Variants in NAV2 observed in about 807,000 individuals in gnomAD.
The protein encoded by NAV2 is neuron navigator 2, also known as helicase, APC down-regulated 1.
In NAV2, 54 loss-of-function variants were observed where a neutral mutation model predicts 223.2. The observed-to-expected ratio is 0.24, with a 90% confidence interval of 0.19 to 0.30. The LOEUF (loss-of-function observed/expected upper bound fraction) is 0.30, where lower values mean the gene tolerates loss of function less well. NAV2 is among the 10% of genes least tolerant of loss of function. The pLI is 1.00. For missense variants in NAV2, 2,806 were observed against 3,147.5 expected (o/e 0.89, Z 2.60); for synonymous variants, 1,279 against 1,239.3 (o/e 1.03, Z -0.67).
upstream of NAV2, among the ~76,000 whole-genome samples, chr11:19,708,315 G>C (rs375058859): frequency 1.3e-4 from 20 of 152,112 alleles, 2 homozygotes; most frequent in Middle Eastern, 3.4e-3. Context: ...CCCATTTGTA[G>C]AAAATTAAGG....
At chr11:19,678,502 C>G (rs1316770549) in intron 1 of NAV2, among the ~76,000 whole-genome samples, 2 of 152,140 alleles carry the variant, frequency 1.3e-5, no homozygotes, top group African/African-American at 4.8e-5. Flanking sequence ...CTCTTTTCAT[C>G]AACTGTTTAG....
intron 1 of NAV2, among the ~76,000 whole-genome samples, chr11:19,482,038 C>T (rs758490860): frequency 1.1e-4 from 17 of 152,210 alleles, no homozygotes; most frequent in Non-Finnish European, 2.2e-4. Context: ...ATTCTTACTG[C>T]TTTTAACAAA....
intron 11 of NAV2, among the ~76,000 whole-genome samples, chr11:20,008,736 C>CT (rs5790102): frequency 0.9 from 131,866 of 147,174 alleles, 59,487 homozygotes; most frequent in East Asian, 1. Flanking sequence ...TTCCTCAGAC[C>CT]TTTTTTTTTT....
chr11:19,895,036 CTTAT>C (rs2041838686), intron 6 of NAV2, among the ~76,000 whole-genome samples: 1 of 150,032 alleles, frequency 6.7e-6, no homozygotes, highest in Non-Finnish European at 1.5e-5. Flanking sequence ...GGCTATCATA[CTTAT>C]TTATTAAGTG....
At chr11:19,358,831 A>G (rs7938448) in intron 1 of NAV2, among the ~76,000 whole-genome samples, 1 of 152,218 alleles carries the variant, frequency 6.6e-6, no homozygotes, top group Admixed American at 6.5e-5. Context: ...TAAAAATGCA[A>G]TAAGTAAAAA....
At chr11:20,053,490 G>A (rs117809080) in intron 17 of NAV2, among the ~76,000 whole-genome samples, 1,674 of 152,274 alleles carry the variant, frequency 0.011, 12 homozygotes, top group Middle Eastern at 0.024. Context: ...CAGAATAAAT[G>A]AGGTGGTGGA....
intron 1 of NAV2, among the ~76,000 whole-genome samples, chr11:19,664,834 G>A (rs538622103): frequency 2.0e-5 from 3 of 152,332 alleles, no homozygotes; most frequent in African/African-American, 7.2e-5. Flanking sequence ...CACCTACTAT[G>A]TGTTTGCAAT....
intron 1 of NAV2, among the ~76,000 whole-genome samples, chr11:19,675,232 C>A (rs957659029): frequency 6.6e-6 from 1 of 152,218 alleles, no homozygotes; most frequent in Non-Finnish European, 1.5e-5. Flanking sequence ...TGGATGTACA[C>A]TTAAACTTTA....
intron 17 of NAV2, among the ~76,000 whole-genome samples, chr11:20,053,748 GTCC>G (rs1191547143): frequency 1.3e-5 from 2 of 152,198 alleles, no homozygotes; most frequent in Non-Finnish European, 2.9e-5. Context: ...TGTTGCTTCA[GTCC>G]TGTCAAGGTG....
chr11:20,105,504 T>C, intron 34 of NAV2, 27 bp from the exon 35 acceptor site: 1 of 1,595,308 alleles, frequency 6.3e-7, no homozygotes, highest in African/African-American at 1.3e-5. Context: ...CATCATCAGC[T>C]TGAAAAGTGT....
At chr11:19,586,518 C>G (rs545666363) in intron 1 of NAV2, among the ~76,000 whole-genome samples, 152 of 152,138 alleles carry the variant, frequency 1.0e-3, no homozygotes, top group African/African-American at 3.5e-3. Context: ...TTTTATCTAC[C>G]TTTGGTCTTT....
intron 5 of NAV2, among the ~76,000 whole-genome samples, chr11:19,885,840 C>A (rs1319369902): frequency 6.6e-6 from 1 of 152,162 alleles, no homozygotes; most frequent in South Asian, 2.1e-4. Context: ...CAAATACATA[C>A]AAAATAACTG....
chr11:19,932,062 C>G (rs2045402260), intron 6 of NAV2, among the ~76,000 whole-genome samples: 1 of 151,854 alleles, frequency 6.6e-6, no homozygotes, highest in African/African-American at 2.4e-5. Flanking sequence ...TAGTTTGGAG[C>G]CTGCCCTCAC....
At chr11:19,557,706 G>C (rs2044946243) in intron 1 of NAV2, among the ~76,000 whole-genome samples, 1 of 152,202 alleles carries the variant, frequency 6.6e-6, no homozygotes, top group Non-Finnish European at 1.5e-5. Context: ...GCTAAAATGG[G>C]ATCCACACCG....
In NAV2 at chr11:19,540,965, T is replaced by C. The variant is rs114038265; in HGVS notation, c.75+189938T>C. The stretch of plus-strand genomic sequence containing the variant: ...GAGAAGACAAGACAAGAGAAGAGAA[T>C]ACAAGAGAAAAGAAAAGAAAACAAT... On this transcript the variant is annotated intron_variant, in intron 1 of 37. Coordinates refer to the NAV2 transcript ENST00000360655. 4.5e-3 allele frequency among the ~76,000 whole-genome samples: 678 copies of C among 152,018 alleles called. 6 individuals carry two copies. The highest frequency in any genetic ancestry group is 0.016 in the African/African-American group (654 of 41,448).
Position 20,074,760 on chromosome 11 carries a change from C to CCTTTTTTTTTTTTTTTTTTTTTTTTTT in NAV2, c.4984-2792_4984-2791insCTTTTTTTTTTTTTTTTTTTTTTTTTT, listed in dbSNP as rs56895607. 2.4e-3 allele frequency among the ~76,000 whole-genome samples: 264 copies of CCTTTTTTTTTTTTTTTTTTTTTTTTTT among 110,230 alleles called. 37 individuals are homozygous for CCTTTTTTTTTTTTTTTTTTTTTTTTTT. Among genetic ancestry groups the CCTTTTTTTTTTTTTTTTTTTTTTTTTT allele is most frequent in the South Asian group, 4.9e-3 (14 of 2,862 alleles). 72.3% of individuals were successfully genotyped at this position (110,230 alleles called of 152,430 possible). ...ATTGGAGACTAGGATTGCAACTCTG[C>CCTTTTTTTTTTTTTTTTTTTTTTTTTT]TTTTTTTTTTTTTTTTGCTTTCCAT... On this transcript the variant is annotated intron_variant, in intron 22 of 37. Transcript: ENST00000349880.
chr11:19,595,746 G>A (rs925682722), intron 1 of NAV2, among the ~76,000 whole-genome samples: 3 of 151,428 alleles, frequency 2.0e-5, no homozygotes, highest in African/African-American at 4.9e-5. Flanking sequence ...TTTTTTTTTA[G>A]TGATGGGGTC....
At chr11:19,623,843 T>C (rs553335353) in intron 1 of NAV2, among the ~76,000 whole-genome samples, 24 of 152,352 alleles carry the variant, frequency 1.6e-4, no homozygotes, top group Middle Eastern at 6.8e-3. Context: ...GAAGAGGAGC[T>C]CTGATGTTTA....
intron 2 of NAV2, among the ~76,000 whole-genome samples, chr11:19,840,727 G>A (rs1414683927): frequency 6.6e-6 from 1 of 152,122 alleles, no homozygotes; most frequent in East Asian, 1.9e-4. Flanking sequence ...TAAATGGAAG[G>A]ATAGCTGCCT....
Sources: allele counts gnomAD v4.1 joint callset (sites outside exome capture counted in the v4.1 genomes callset), GRCh38; gene constraint gnomAD v4.1.1; transcripts MANE v1.5; gene names NCBI Gene and HGNC (gene_info 2026-07-23, HGNC 2026-07-21).